Variants in SRGAP2B observed in about 807,000 individuals in gnomAD.
The protein encoded by SRGAP2B is SLIT-ROBO Rho GTPase-activating protein 2B.
SRGAP2B carries 9 observed loss-of-function variants against 22.2 expected under a neutral mutation model. The ratio of observed to expected loss-of-function variants is 0.41; its 90% CI spans 0.24 to 0.71. The LOEUF is 0.71. SRGAP2B is among the 30% of genes least tolerant of loss of function. The pLI, the probability that SRGAP2B is intolerant of heterozygous loss-of-function variation, is 0.35. For synonymous variants in SRGAP2B, 36 were observed against 87.4 expected, an observed-to-expected ratio of 0.41 and a Z score of 3.28; for missense variants, 114 against 235.8, an observed-to-expected ratio of 0.48 and a Z score of 3.38.
chr1:145,041,738 C>T (rs1346218088), intron 2 of SRGAP2B, among the ~76,000 whole-genome samples: 1 of 143,182 alleles, frequency 7.0e-6, no homozygotes, highest in Non-Finnish European at 1.5e-5. Context: ...TCCCCACTGG[C>T]TTTAAGATAC....
chr1:145,013,131 A>C (rs1454672523), intron 2 of SRGAP2B, among the ~76,000 whole-genome samples: 1 of 150,504 alleles, frequency 6.6e-6, no homozygotes, highest in African/African-American at 2.5e-5. Flanking sequence ...CAAAATAAGA[A>C]TATCCCTTTC....
At chr1:145,067,257 C>T (rs1651604302) in intron 2 of SRGAP2B, among the ~76,000 whole-genome samples, 2 of 147,660 alleles carry the variant, frequency 1.4e-5, no homozygotes, top group Middle Eastern at 3.4e-3. Flanking sequence ...CCATTGCACT[C>T]CAGCCTGGAC....
At chr1:144,925,792 A>AAAG (rs1570756737) in intron 4 of SRGAP2B, among the ~76,000 whole-genome samples, 2 of 88,930 alleles carry the variant, frequency 2.2e-5, no homozygotes, top group African/African-American at 4.2e-5. Context: ...AGAAAGAAAG[A>AAAG]AAGGAGAGAG....
At chr1:144,964,968 C>G (rs782119386) in intron 3 of SRGAP2B, 3 of 1,424,858 alleles carry the variant, frequency 2.1e-6, no homozygotes, top group South Asian at 1.2e-5. Context: ...AGAGCCGCGC[C>G]GCCTGCACCA....
chr1:144,994,165 A>G (rs1251634634), intron 3 of SRGAP2B, among the ~76,000 whole-genome samples: 2 of 129,426 alleles, frequency 1.5e-5, no homozygotes, highest in Non-Finnish European at 3.3e-5. Context: ...CCCAGGCCTC[A>G]CTCCCAGAGA....
chr1:145,022,394 A>G (rs1442086631), intron 2 of SRGAP2B, among the ~76,000 whole-genome samples: 1 of 115,742 alleles, frequency 8.6e-6, no homozygotes, highest in Non-Finnish European at 1.7e-5. Context: ...GAAAGAAGGC[A>G]GAGGGTTAAA....
Position 144,917,552 on chromosome 1 carries a change from A to G in SRGAP2B, c.424-2798T>C, listed in dbSNP as rs1162581976. Among the ~76,000 whole-genome samples the G allele has an allele frequency of 5.6e-5, 8 of 142,088 alleles. 1 individual carries two copies. The highest frequency in any genetic ancestry group is 4.5e-5 in the Non-Finnish European group (3 of 67,372). 93.2% of individuals were successfully genotyped at this position (142,088 alleles called of 152,430 possible). A position where few individuals can be genotyped will look rare whatever the true frequency, so the allele number is the denominator to read the frequency against. ...TAGCCCCAGAGTGGGGGATGGGGGA[A>G]GAAGAGGAGGGAAAAGTGTAACCAA... On this transcript the variant is annotated intron_variant, in intron 4 of 9. Coordinates refer to ENST00000612199, the Ensembl canonical transcript of SRGAP2B.
chr1:145,006,123 G>C (rs1671571822), intron 2 of SRGAP2B, among the ~76,000 whole-genome samples: 2 of 150,858 alleles, frequency 1.3e-5, no homozygotes, highest in South Asian at 4.1e-4. Context: ...TCCCACCCAG[G>C]CTTTCTCTCC....
intron 3 of SRGAP2B, among the ~76,000 whole-genome samples, 160 bp downstream of exon 3, chr1:144,994,848 T>G (rs6600694): frequency 1.3e-4 from 20 of 150,468 alleles, no homozygotes; most frequent in African/African-American, 4.7e-4. Flanking sequence ...TGAATTGCAC[T>G]TAAGACTGAT....
intron 2 of SRGAP2B, among the ~76,000 whole-genome samples, chr1:145,048,463 CT>C (rs1649992896): frequency 1.8e-5 from 2 of 112,062 alleles, no homozygotes; most frequent in African/African-American, 6.3e-5. Context: ...TCCATCTATG[CT>C]AACCTAGAAT....
At position 145,069,205 on chromosome 1, in the gene SRGAP2B, TAA is replaced by T. The variant is rs1255982008; in HGVS notation, c.67+23628_67+23629del. 6.3e-4 allele frequency among the ~76,000 whole-genome samples: 95 copies of T among 149,840 alleles called. No individual in the cohort carries two copies. The South Asian group carries it at 0.01, about 16-fold the overall frequency. ...GAGAGGACAAAAAAAAAGTGTTGCA[TAA>T]AAAGAGAGTCAAGGTGTTAATTGCT... On this transcript the variant is annotated intron_variant, in intron 2 of 9. Coordinates refer to ENST00000612199, the Ensembl canonical transcript of SRGAP2B.
chr1:144,924,592 C>T (rs1477598695), intron 4 of SRGAP2B, among the ~76,000 whole-genome samples: 11 of 151,178 alleles, frequency 7.3e-5, no homozygotes, highest in South Asian at 2.1e-4. Flanking sequence ...GTTAGCCGGG[C>T]GTAGTGGCGG....
At chr1:145,068,368 A>AT (rs1486774148) in intron 2 of SRGAP2B, among the ~76,000 whole-genome samples, 2 of 125,274 alleles carry the variant, frequency 1.6e-5, no homozygotes, top group East Asian at 4.7e-4. Flanking sequence ...GAATGAATGA[A>AT]TTTTTTAAAA....
At position 144,956,815 on chromosome 1, in the gene SRGAP2B, CTT is replaced by C. The variant is rs1393452695; in HGVS notation, c.261-1216_261-1215del. Among the ~76,000 whole-genome samples, 4 of 148,946 alleles carry C rather than the reference CTT, an allele frequency of 2.7e-5. No individual in the cohort carries two copies. In the Middle Eastern group the frequency reaches 0.014, roughly 514 times the overall value. On this transcript the variant is annotated intron_variant, in intron 3 of 9. Coordinates refer to ENST00000612199, the Ensembl canonical transcript of SRGAP2B. Reference sequence around the variant, plus strand: ...TTATTGATTACCAACTCAGCATTAACTTAAGCAACAGAAAGTTCTACATTTGG... The same window carrying C: ...TTATTGATTACCAACTCAGCATTAACAAGCAACAGAAAGTTCTACATTTGG...
chr1:144,988,999 C>CTTTTTTTTTTTTTTTT (rs3062880), intron 3 of SRGAP2B, among the ~76,000 whole-genome samples: 55 of 55,096 alleles, frequency 1.0e-3, no homozygotes, highest in Admixed American at 1.5e-3. Context: ...ACTCCCCCCA[C>CTTTTTTTTTTTTTTTT]TTTTTTTTTT....
intron 4 of SRGAP2B, among the ~76,000 whole-genome samples, chr1:144,951,090 T>G (rs2101914223): frequency 6.6e-6 from 1 of 151,062 alleles, no homozygotes; most frequent in Admixed American, 6.6e-5. Flanking sequence ...TCAGGTGATC[T>G]GCCCACCTTG....
intron 3 of SRGAP2B, among the ~76,000 whole-genome samples, chr1:144,971,020 CAA>C (rs1668473386): frequency 6.6e-6 from 1 of 150,528 alleles, no homozygotes; most frequent in Non-Finnish European, 1.5e-5. Context: ...ACCCACGAAA[CAA>C]AGTGACTAGA....
chr1:144,931,530 T>C (rs2919083), intron 4 of SRGAP2B, among the ~76,000 whole-genome samples: 3 of 150,632 alleles, frequency 2.0e-5, no homozygotes, highest in Non-Finnish European at 4.4e-5. Context: ...GCAGAAAAGG[T>C]TGTGATTCCA....
In SRGAP2B at chr1:144,966,500, G is replaced by A. The variant is rs587772353; in HGVS notation, c.261-10899C>T. Among the ~76,000 whole-genome samples the A allele has an allele frequency of 1.8e-4, 27 of 147,146 alleles. No individual in the cohort carries two copies. In the East Asian group the frequency reaches 3.7e-3, roughly 20 times the overall value. On this transcript the variant is annotated intron_variant, in intron 3 of 9. Coordinates refer to ENST00000612199, the Ensembl canonical transcript of SRGAP2B. ...AGAGCTCCTGAAGGAAGTGCTAAAC[G>A]TGGAAAGGAACAACCAGTACCAGCC...
Sources: allele counts gnomAD v4.1 joint callset (sites outside exome capture counted in the v4.1 genomes callset), GRCh38; gene constraint gnomAD v4.1.1; transcripts MANE v1.5; gene names NCBI Gene and HGNC (gene_info 2026-07-23, HGNC 2026-07-21).